Variants in OXR1 observed in about 807,000 individuals in gnomAD.
OXR1 encodes oxidation resistance protein 1.
Under a neutral mutation model 104.6 loss-of-function variants are expected in OXR1, and 41 were observed. The observed-to-expected ratio is 0.39, with a 90% CI of 0.31 to 0.51. The LOEUF (loss-of-function observed/expected upper bound fraction) is 0.51, where lower values mean the gene tolerates loss of function less well. OXR1 is among the 20% of genes least tolerant of loss of function. OXR1 has a pLI of 0.77. For missense variants in OXR1, 955 were observed against 1,031.9 expected (o/e 0.93, Z 1.02); for synonymous variants, 348 against 348.4 (o/e 1.00, Z 0.01).
intron 7 of OXR1, among the ~76,000 whole-genome samples, chr8:106,699,929 AG>A (rs1830439319): frequency 6.6e-6 from 1 of 152,252 alleles, no homozygotes; most frequent in African/African-American, 2.4e-5. Context: ...AAAAAATATC[AG>A]TACAAGCTTT....
At chr8:106,564,975 A>T (rs1422520229) in intron 3 of OXR1, among the ~76,000 whole-genome samples, 2 of 152,178 alleles carry the variant, frequency 1.3e-5, no homozygotes, top group African/African-American at 4.8e-5. Flanking sequence ...TCATTGGAAC[A>T]TATCTCAAAA....
At chr8:106,382,332 A>T (rs1222814909) in intron 2 of OXR1, among the ~76,000 whole-genome samples, 1 of 152,220 alleles carries the variant, frequency 6.6e-6, no homozygotes, top group Non-Finnish European at 1.5e-5. Flanking sequence ...AAGTGAAAAA[A>T]AAAATGCAGC....
At chr8:106,611,688 C>T (rs1244959324) in intron 3 of OXR1, among the ~76,000 whole-genome samples, 1 of 152,166 alleles carries the variant, frequency 6.6e-6, no homozygotes, top group East Asian at 1.9e-4. Flanking sequence ...TCTGCCCTTT[C>T]CCACCCCCAT....
At chr8:106,476,993 C>G (rs918391290) in intron 2 of OXR1, among the ~76,000 whole-genome samples, 6 of 151,940 alleles carry the variant, frequency 3.9e-5, no homozygotes, top group African/African-American at 1.4e-4. Context: ...CACAAATTTT[C>G]TTTTCTCTTT....
intron 1 of OXR1, among the ~76,000 whole-genome samples, chr8:106,340,014 C>T (rs1285305310): frequency 6.6e-6 from 1 of 152,098 alleles, no homozygotes; most frequent in Admixed American, 6.6e-5. Context: ...CCCAAAGTCA[C>T]TTTACAAAAC....
rs574145785 is a variant in OXR1 at position 106,478,670 on chromosome 8, G to A, written c.24-40273G>A. Reference sequence around the variant, plus strand: ...ACAGTTGGGTAAGTTAGAGTGAGATGTCAATGCCTTTGAGGTAATCATTAA... The same window carrying A: ...ACAGTTGGGTAAGTTAGAGTGAGATATCAATGCCTTTGAGGTAATCATTAA... On this transcript the variant is annotated intron_variant, in intron 2 of 16. Transcript: ENST00000517566. Among the ~76,000 whole-genome samples the A allele has an allele frequency of 8.6e-5, 13 of 151,820 alleles. No homozygotes were observed. In the South Asian group the frequency reaches 2.5e-3, roughly 29 times the overall value.
chr8:106,399,217 T>G (rs1817906243), intron 2 of OXR1, among the ~76,000 whole-genome samples: 1 of 152,152 alleles, frequency 6.6e-6, no homozygotes, highest in Non-Finnish European at 1.5e-5. Context: ...CCCAGTGCAC[T>G]TCATTGTGTT....
At chr8:106,714,049 G>A (rs1406311625) in intron 11 of OXR1, 64 bp downstream of exon 11, 22 of 1,216,410 alleles carry the variant, frequency 1.8e-5, no homozygotes, top group Non-Finnish European at 2.4e-5. Context: ...TAGCTTTATG[G>A]TAGTACAAAG....
intron 11 of OXR1, among the ~76,000 whole-genome samples, chr8:106,720,312 A>G (rs1414391262): frequency 6.6e-6 from 1 of 152,174 alleles, no homozygotes; most frequent in Non-Finnish European, 1.5e-5. Context: ...GGACCTAGTT[A>G]TCAGTGTTGT....
intron 3 of OXR1, among the ~76,000 whole-genome samples, chr8:106,571,025 C>T (rs1817432450): frequency 6.6e-6 from 1 of 151,794 alleles, no homozygotes; most frequent in Non-Finnish European, 1.5e-5. Context: ...ACCCTTGAAG[C>T]ACACGGGACA....
intron 1 of OXR1, among the ~76,000 whole-genome samples, chr8:106,274,998 C>T (rs1395282191): frequency 6.6e-6 from 1 of 152,246 alleles, no homozygotes; most frequent in Non-Finnish European, 1.5e-5. Flanking sequence ...CTGTTCTAGA[C>T]ACTGGGACTC....
intron 11 of OXR1, chr8:106,726,160 G>A (rs1833319692): frequency 6.8e-7 from 1 of 1,469,614 alleles, no homozygotes; most frequent in South Asian, 1.4e-5. Flanking sequence ...TCTAGTGCTG[G>A]AAATTTATCT....
chr8:106,745,256 T>C (rs1835285561), intron 15 of OXR1, among the ~76,000 whole-genome samples: 7 of 152,238 alleles, frequency 4.6e-5, no homozygotes, highest in Admixed American at 4.6e-4. Context: ...CTCTTGGATT[T>C]CTCAAATGAT....
chr8:106,558,451 C>CAA, intron 3 of OXR1, among the ~76,000 whole-genome samples: 1 of 152,082 alleles, frequency 6.6e-6, no homozygotes, highest in Admixed American at 6.6e-5. Flanking sequence ...ATGGAGGATC[C>CAA]GGGACAGCAA....
chr8:106,664,886 T>G (rs938792554), intron 3 of OXR1, among the ~76,000 whole-genome samples: 2 of 152,214 alleles, frequency 1.3e-5, no homozygotes, highest in African/African-American at 4.8e-5. Context: ...AAGTTGCACC[T>G]TTTAAGCAAA....
intron 3 of OXR1, among the ~76,000 whole-genome samples, chr8:106,630,178 G>A (rs1453496856): frequency 6.6e-6 from 1 of 152,160 alleles, no homozygotes; most frequent in Non-Finnish European, 1.5e-5. Flanking sequence ...GACAAATGTG[G>A]AACAGTAGAA....
chr8:106,571,555 CT>C (rs1319031302), intron 3 of OXR1, among the ~76,000 whole-genome samples: 4 of 152,180 alleles, frequency 2.6e-5, no homozygotes, highest in Non-Finnish European at 4.4e-5. Context: ...CATTCCTCCC[CT>C]GACCTTCCAA....
chr8:106,632,705 A>G (rs1349831068), intron 3 of OXR1, among the ~76,000 whole-genome samples: 1 of 152,162 alleles, frequency 6.6e-6, no homozygotes, highest in South Asian at 2.1e-4. Context: ...TTGCATCACA[A>G]TGTAAATAGT....
chr8:106,681,842 C>T (rs1326261855), intron 4 of OXR1, among the ~76,000 whole-genome samples: 1 of 152,116 alleles, frequency 6.6e-6, no homozygotes, highest in African/African-American at 2.4e-5. Flanking sequence ...GCCTCTTTAT[C>T]GTTTTTAGAG....
Sources: allele counts gnomAD v4.1 joint callset (sites outside exome capture counted in the v4.1 genomes callset), GRCh38; gene constraint gnomAD v4.1.1; transcripts MANE v1.5; gene names NCBI Gene and HGNC (gene_info 2026-07-23, HGNC 2026-07-21).